ATP2B2: variants seen among roughly 807,000 people sequenced by gnomAD.
ATP2B2 encodes ATPase plasma membrane Ca2+ transporting 2, also known as plasma membrane calcium-transporting ATPase 2.
A neutral mutation model predicts 120.0 loss-of-function variants in ATP2B2; 15 were observed. That is an observed-to-expected ratio of 0.12 (90% CI 0.08 to 0.19). The LOEUF is 0.19. Among genes scored for constraint, ATP2B2 ranks in the 10% least tolerant of loss-of-function variants. The pLI is 1.00. For synonymous variants in ATP2B2, 694 were observed against 700.3 expected (o/e 0.99, Z 0.14); for missense variants, 1,045 against 1,719.8 (o/e 0.61, Z 6.94).
intron 1 of ATP2B2, among the ~76,000 whole-genome samples, chr3:10,634,558 TG>T (rs1252223998): frequency 6.6e-6 from 1 of 152,250 alleles, no homozygotes; most frequent in East Asian, 1.9e-4. Flanking sequence ...ATCTTCTCTG[TG>T]GCCTTGAGAA....
At chr3:10,570,700 C>A (rs578064540) in intron 2 of ATP2B2, among the ~76,000 whole-genome samples, 1 of 152,324 alleles carries the variant, frequency 6.6e-6, no homozygotes, top group African/African-American at 2.4e-5. Context: ...GCGTGTTGAG[C>A]AATGACCTGG....
At chr3:10,604,354 C>A (rs1575546769) in intron 2 of ATP2B2, among the ~76,000 whole-genome samples, 2 of 152,334 alleles carry the variant, frequency 1.3e-5, no homozygotes, top group Non-Finnish European at 2.9e-5. Context: ...ATACAACACA[C>A]TTCCCATTGT....
In ATP2B2 at chr3:10,377,206, T is replaced by TGTGGCG. The variant is rs558099656; in HGVS notation, c.1201+1040_1201+1045dup. On this transcript the variant is annotated intron_variant, in intron 10 of 22. Coordinates refer to ENST00000360273, the MANE Select transcript of ATP2B2 (RefSeq NM_001001331.4). ...CCATGTTTCCATAGAGTCTTCTGCC[T>TGTGGCG]GTGGCGGTGGCGATGGCGGTATAGA... Among the ~76,000 whole-genome samples the TGTGGCG allele has an allele frequency of 3.9e-5, 6 of 152,260 alleles. No homozygotes were observed. In the East Asian group the frequency reaches 1.2e-3, roughly 29 times the overall value.
At chr3:10,512,356 A>C (rs1187389831) in intron 3 of ATP2B2, among the ~76,000 whole-genome samples, 1 of 152,070 alleles carries the variant, frequency 6.6e-6, no homozygotes, top group Non-Finnish European at 1.5e-5. Context: ...TAGGGAATAA[A>C]ATGTGGTCAT....
At chr3:10,593,557 A>T (rs1480045790) in intron 2 of ATP2B2, among the ~76,000 whole-genome samples, 1 of 152,224 alleles carries the variant, frequency 6.6e-6, no homozygotes, top group East Asian at 1.9e-4. Context: ...TTATACAAAA[A>T]TTAATTCAAG....
At position 10,328,575 on chromosome 3, in the gene ATP2B2, ACTC is replaced by A. The variant is rs2059901410; in HGVS notation, c.*236_*238del. 1.9e-6 allele frequency: 1 copy of A among 536,686 alleles called. No individual in the cohort carries two copies. Among genetic ancestry groups the A allele is most frequent in the African/African-American group, 1.9e-5 (1 of 52,352 alleles). The allele number at this position is 536,686 out of a possible 1,614,324, so 33.2% of individuals were successfully genotyped here. A position where few individuals can be genotyped will look rare whatever the true frequency, so the allele number is the denominator to read the frequency against. On this transcript the variant is annotated 3_prime_UTR_variant, in exon 23 of 23. Transcript: ENST00000360273. The stretch of plus-strand genomic sequence containing the variant: ...AGGGCTTGTTTTGGGAAAACCGCTC[ACTC>A]CCGTAAGCCCCCAGTGGAGATCCCG...
intron 1 of ATP2B2, among the ~76,000 whole-genome samples, chr3:10,637,242 A>G (rs1453718386): frequency 6.6e-6 from 1 of 152,104 alleles, no homozygotes; most frequent in Admixed American, 6.5e-5. Flanking sequence ...CTAGTACCCA[A>G]TAAGGTAAAA....
chr3:10,382,086 C>T (rs1005646215), intron 8 of ATP2B2, among the ~76,000 whole-genome samples: 2 of 152,042 alleles, frequency 1.3e-5, no homozygotes, highest in African/African-American at 4.8e-5. Flanking sequence ...AGTGCAGTGG[C>T]GTGATCTTGG....
chr3:10,478,488 T>A (rs2065284527), intron 1 of ATP2B2, among the ~76,000 whole-genome samples: 2 of 152,194 alleles, frequency 1.3e-5, no homozygotes, highest in South Asian at 4.1e-4. Context: ...TCTGTCTCCA[T>A]TAAATTTTGT....
intron 1 of ATP2B2, among the ~76,000 whole-genome samples, chr3:10,666,687 C>A (rs187593967): frequency 6.6e-6 from 1 of 152,206 alleles, no homozygotes; most frequent in African/African-American, 2.4e-5. Flanking sequence ...AGAGAACAGG[C>A]CAATGGATGA....
At chr3:10,616,559 G>C (rs1200400360) in intron 2 of ATP2B2, among the ~76,000 whole-genome samples, 9 of 152,206 alleles carry the variant, frequency 5.9e-5, no homozygotes, top group Non-Finnish European at 8.8e-5. Context: ...TCCAGGGACA[G>C]AAGGAAGACT....
At chr3:10,503,957 C>T (rs989726780) in intron 1 of ATP2B2, among the ~76,000 whole-genome samples, 16 of 152,272 alleles carry the variant, frequency 1.1e-4, no homozygotes, top group African/African-American at 2.6e-4. Context: ...TGTTCAGGAA[C>T]GTGGGTTGTA....
chr3:10,354,550 T>A (rs2060661431), intron 14 of ATP2B2, among the ~76,000 whole-genome samples: 1 of 152,192 alleles, frequency 6.6e-6, no homozygotes, highest in Admixed American at 6.5e-5. Flanking sequence ...CACCCCCGGA[T>A]AACCCGGCAA....
chr3:10,631,666 G>T (rs897067040), intron 1 of ATP2B2, among the ~76,000 whole-genome samples: 2 of 152,334 alleles, frequency 1.3e-5, no homozygotes, highest in South Asian at 4.1e-4. Flanking sequence ...CCCTGCACAA[G>T]TCCTGGCAGC....
chr3:10,431,530 C>T (rs758045810), intron 2 of ATP2B2, among the ~76,000 whole-genome samples: 1 of 152,128 alleles, frequency 6.6e-6, no homozygotes, highest in Non-Finnish European at 1.5e-5. Context: ...GTGATATTTG[C>T]CTTATCGCAG....
intron 1 of ATP2B2, among the ~76,000 whole-genome samples, chr3:10,676,523 AC>A (rs2071247966): frequency 1.4e-5 from 2 of 146,630 alleles, no homozygotes; most frequent in African/African-American, 5.1e-5. Flanking sequence ...GAGGGACAGA[AC>A]CACACACACA....
Position 10,375,587 on chromosome 3 carries a change from G to A in ATP2B2, c.1259C>T (p.Thr420Ile). 1.2e-6 allele frequency: 2 copies of A among 1,613,804 alleles called. No homozygotes were observed. The highest frequency in any genetic ancestry group is 2.2e-5 in the East Asian group (1 of 44,888). Reference protein sequence around the residue: ...IILVLYFTVDTFVVNKKPWLP... With the variant: ...IILVLYFTVDIFVVNKKPWLP... ...CCACGGCTTCTTGTTGACCACGAAGGTGTCCACAGTGAAGTAGAGCACCAG... is the reference window on the plus strand; with the variant it reads ...CCACGGCTTCTTGTTGACCACGAAGATGTCCACAGTGAAGTAGAGCACCAG... The change falls in exon 11 of 23, where the codon ACC (threonine) becomes ATC (isoleucine). Residue 420 changes from threonine to isoleucine, a missense_variant. By Grantham distance (89) the Thr-to-Ile change is moderately conservative. Transcript: ENST00000360273. The surrounding 1 kb of genome is among the most constrained non-coding windows in gnomAD (Gnocchi z 4.2).
chr3:10,345,698 C>G, intron 17 of ATP2B2, 123 bp from the exon 18 acceptor site: 1 of 916,108 alleles, frequency 1.1e-6, no homozygotes. Context: ...CCAGCACAGC[C>G]AGACCACACA....
Position 10,340,634 on chromosome 3 carries a change from G to A in ATP2B2, c.2988C>T (p.Thr996=), listed in dbSNP as rs996422701. ...PLHSPPSEHY[T]IIFNTFVMMQ... ...TCATGACGAAGGTGTTGAAGATGAT[G>A]GTGTAATGTTCTGAGGGTGGCGAAT... Residue 996 remains threonine, a synonymous_variant, in exon 20 of 23, where the codon ACC becomes ACT. Coordinates refer to ENST00000360273, the MANE Select transcript of ATP2B2 (RefSeq NM_001001331.4). The surrounding 1 kb of genome is among the most constrained non-coding windows in gnomAD (Gnocchi z 5.0). 1.2e-6 allele frequency: 2 copies of A among 1,614,250 alleles called. No homozygotes were observed. The highest frequency in any genetic ancestry group is 1.1e-5 in the South Asian group (1 of 91,084).
Sources: allele counts gnomAD v4.1 joint callset (sites outside exome capture counted in the v4.1 genomes callset), GRCh38; gene constraint gnomAD v4.1.1; non-coding constraint Gnocchi (gnomAD v3.1); transcripts MANE v1.5; gene names NCBI Gene and HGNC (gene_info 2026-07-23, HGNC 2026-07-21).